Variants in MECOM observed in about 807,000 individuals in gnomAD.
The protein encoded by MECOM is histone-lysine N-methyltransferase MECOM.
Under a neutral mutation model 116.3 loss-of-function variants are expected in MECOM, and 13 were observed. That is an observed-to-expected ratio of 0.11 (90% CI 0.07 to 0.18). The LOEUF is 0.18. Among genes scored for constraint, MECOM ranks in the 10% least tolerant of loss-of-function variants. The pLI is 1.00. For synonymous variants in MECOM, 528 were observed against 535.2 expected (o/e 0.99, Z 0.19); for missense variants, 1,299 against 1,509.0 (o/e 0.86, Z 2.31).
In MECOM at chr3:169,127,876, C is replaced by T. The variant is rs16853210; in HGVS notation, c.798G>A (p.Lys266=). 16,664 of 1,613,954 alleles carry T rather than the reference C, an allele frequency of 0.01. 737 individuals carry two copies. The African/African-American group carries it at 0.11, about 10-fold the overall frequency. The change falls in exon 5 of 17, where the codon AAG becomes AAA. Residue 266 remains lysine, a synonymous_variant. Transcript: ENST00000651503. ...AATCAGGAAAAACTTGGTCACATTC[C>T]TTACACTCCTGGATCGTGTGTATCT... ...LQEIHTIQEC[K]ECDQVFPDLQ...
At chr3:169,415,373 C>A (rs1263637265) in intron 1 of MECOM, among the ~76,000 whole-genome samples, 31 of 152,110 alleles carry the variant, frequency 2.0e-4, no homozygotes, top group Admixed American at 1.4e-3. Flanking sequence ...TACAAGCGCT[C>A]CTGAAGGAAG....
At chr3:169,163,424 A>C (rs1189185716) in intron 2 of MECOM, among the ~76,000 whole-genome samples, 1 of 152,192 alleles carries the variant, frequency 6.6e-6, no homozygotes, top group Non-Finnish European at 1.5e-5. Flanking sequence ...AAGTCATTGA[A>C]GTAATAGAAG....
At chr3:169,161,087 T>C (rs1742772895) in intron 2 of MECOM, among the ~76,000 whole-genome samples, 1 of 152,234 alleles carries the variant, frequency 6.6e-6, no homozygotes, top group African/African-American at 2.4e-5. Context: ...AGGAATCTTC[T>C]ATATCCTGGC....
chr3:169,467,591 G>C (rs1413524678), intron 1 of MECOM, among the ~76,000 whole-genome samples: 1 of 152,130 alleles, frequency 6.6e-6, no homozygotes, highest in Non-Finnish European at 1.5e-5. Context: ...ACTACCAAGG[G>C]AGCTCTACAT....
At chr3:169,531,929 T>C (rs1313627741) in intron 1 of MECOM, among the ~76,000 whole-genome samples, 1 of 152,210 alleles carries the variant, frequency 6.6e-6, no homozygotes, top group Non-Finnish European at 1.5e-5. Flanking sequence ...CAAAAGGATC[T>C]GGGTTCACAA....
rs536903047 is a variant in MECOM, at chr3:169,346,424, T to A, written c.375+34763A>T. On this transcript the variant is annotated intron_variant, in intron 2 of 16. Coordinates refer to ENST00000651503, the MANE Select transcript of MECOM (RefSeq NM_004991.4). ...GTTTCACATTCTAACTTATTTCATATGATCCTAACAATAACCCAAGGTTGG... is the reference window on the plus strand; with the variant it reads ...GTTTCACATTCTAACTTATTTCATAAGATCCTAACAATAACCCAAGGTTGG... Among the ~76,000 whole-genome samples, 3 of 152,256 alleles carry A rather than the reference T, an allele frequency of 2.0e-5. No individual in the cohort carries two copies. The South Asian group carries it at 6.2e-4, about 32-fold the overall frequency.
intron 1 of MECOM, among the ~76,000 whole-genome samples, chr3:169,478,131 GCATCTGA>G (rs1750763049): frequency 6.6e-6 from 1 of 152,176 alleles, no homozygotes; most frequent in African/African-American, 2.4e-5. Context: ...TGACACCGTG[GCATCTGA>G]CAAAGAGAGA....
intron 1 of MECOM, among the ~76,000 whole-genome samples, chr3:169,544,239 T>C (rs1323532271): frequency 6.6e-6 from 1 of 152,238 alleles, no homozygotes; most frequent in Non-Finnish European, 1.5e-5. Context: ...ACTAACTTAA[T>C]GTGAGTAAAG....
intron 12 of MECOM, among the ~76,000 whole-genome samples, chr3:169,099,322 C>G (rs1164591180): frequency 6.6e-6 from 1 of 152,090 alleles, no homozygotes; most frequent in Non-Finnish European, 1.5e-5. Flanking sequence ...CATAACAAAA[C>G]ATGAGTGTGG....
chr3:169,654,034 G>A (rs1268566412), intron 1 of MECOM, among the ~76,000 whole-genome samples: 2 of 152,164 alleles, frequency 1.3e-5, no homozygotes, highest in African/African-American at 4.8e-5. Flanking sequence ...TATATGCATG[G>A]TTCATCACTA....
chr3:169,472,602 G>A (rs1438285206), intron 1 of MECOM, among the ~76,000 whole-genome samples: 6 of 70,788 alleles, frequency 8.5e-5, no homozygotes, highest in Non-Finnish European at 7.2e-5. Flanking sequence ...GGAAAGGAAA[G>A]GAAAGGAAAG....
chr3:169,506,495 T>G (rs1361319991), intron 1 of MECOM, among the ~76,000 whole-genome samples: 1 of 151,102 alleles, frequency 6.6e-6, no homozygotes, highest in Non-Finnish European at 1.5e-5. Context: ...CGCTTTAAAG[T>G]ATGGAAGGCC....
intron 2 of MECOM, among the ~76,000 whole-genome samples, chr3:169,183,411 AATC>A (rs1288633262): frequency 1.3e-5 from 2 of 152,162 alleles, no homozygotes; most frequent in Admixed American, 6.5e-5. Context: ...CTATTGTAAG[AATC>A]TCCTTCAGAT....
intron 2 of MECOM, among the ~76,000 whole-genome samples, chr3:169,320,936 T>C (rs143708075): frequency 2.6e-5 from 4 of 152,152 alleles, no homozygotes; most frequent in Non-Finnish European, 5.9e-5. Flanking sequence ...ATAAATGAAC[T>C]GCCAGTAACT....
At chr3:169,489,113 A>G (rs563731305) in intron 1 of MECOM, among the ~76,000 whole-genome samples, 1 of 152,176 alleles carries the variant, frequency 6.6e-6, no homozygotes, top group Non-Finnish European at 1.5e-5. Flanking sequence ...TTTTAAGTCA[A>G]TAAATTTGAA....
chr3:169,330,879 T>C (rs2149772939), intron 2 of MECOM, among the ~76,000 whole-genome samples: 1 of 152,180 alleles, frequency 6.6e-6, no homozygotes, highest in East Asian at 1.9e-4. Context: ...CCTAAATTTA[T>C]ATAAATACAT....
intron 1 of MECOM, among the ~76,000 whole-genome samples, chr3:169,403,985 G>C (rs7617164): frequency 0.035 from 5,273 of 152,170 alleles, 199 homozygotes; most frequent in African/African-American, 0.088. Flanking sequence ...ATGGAAGATA[G>C]ATAAAAATTT....
intron 2 of MECOM, among the ~76,000 whole-genome samples, chr3:169,285,505 G>A (rs574810906): frequency 6.6e-6 from 1 of 152,172 alleles, no homozygotes; most frequent in Non-Finnish European, 1.5e-5. Context: ...GAATTTGCAT[G>A]CAATAGCAAG....
intron 1 of MECOM, among the ~76,000 whole-genome samples, chr3:169,591,559 G>A (rs1371543925): frequency 1.3e-5 from 2 of 152,150 alleles, no homozygotes; most frequent in African/African-American, 4.8e-5. Flanking sequence ...ACAGAGCAGT[G>A]AATGGCCTCT....
Sources: gnomAD v4.1 joint callset for allele counts (sites outside exome capture counted in the v4.1 genomes callset) on GRCh38, gnomAD v4.1.1 for gene constraint, MANE v1.5 for transcripts, NCBI Gene and HGNC (gene_info 2026-07-23, HGNC 2026-07-21) for gene names.